The following PLOD1 variants were observed in gnomAD, a reference collection of about 807,000 sequenced individuals.
PLOD1 encodes lysine hydroxylase.
PLOD1 carries 70 observed loss-of-function variants against 94.7 expected under a neutral mutation model. The observed-to-expected ratio is 0.74, with a 90% CI of 0.61 to 0.90. The LOEUF (loss-of-function observed/expected upper bound fraction) is 0.90, where lower values mean the gene tolerates loss of function less well. Among genes scored for constraint, PLOD1 ranks in the 40% least tolerant of loss-of-function variants. The pLI is 0.00. For synonymous variants in PLOD1, 417 were observed against 400.2 expected (o/e 1.04, Z -0.50); for missense variants, 905 against 972.7 (o/e 0.93, Z 0.93).
chr1:11,957,372 C>T lies in PLOD1; in HGVS notation c.741+358C>T, dbSNP rs1569705064. Among the ~76,000 whole-genome samples the T allele has an allele frequency of 6.6e-6, 1 of 152,188 alleles. No homozygotes were observed. On this transcript the variant is annotated intron_variant, in intron 7 of 18. Coordinates refer to ENST00000196061, the MANE Select transcript of PLOD1 (RefSeq NM_000302.4). The surrounding 1 kb of genome is among the most constrained non-coding windows in gnomAD (Gnocchi z 4.1). ...CCAGACAGTAAGACATAGTCATAAG[C>T]AGGACGGATGTCCTGCATTCATGGT...
chr1:11,963,657 C>T lies in PLOD1; in HGVS notation c.1202+21C>T. 1.3e-6 allele frequency: 2 copies of T among 1,505,430 alleles called. No individual in the cohort carries two copies. The highest frequency in any genetic ancestry group is 1.2e-5 in the South Asian group (1 of 84,306). The allele number at this position is 1,505,430 out of a possible 1,614,324, so 93.3% of individuals were successfully genotyped here. A position where few individuals can be genotyped will look rare whatever the true frequency, so the allele number is the denominator to read the frequency against. ...AACAAGTGAGGCTGCTCCGTCTGCA[C>T]CCAGCACTGCTCAGGACTGGCCTGG... On this transcript the variant is annotated intron_variant, in intron 11 of 18. Transcript: ENST00000196061. The surrounding 1 kb of genome is among the most constrained non-coding windows in gnomAD (Gnocchi z 4.3).
rs1219598190 is a variant in PLOD1 at position 11,970,758 on chromosome 1, TC to T, written c.1846del (p.Leu616CysfsTer8). On this transcript the variant is annotated frameshift_variant, in exon 17 of 19. Coordinates refer to ENST00000196061, the MANE Select transcript of PLOD1 (RefSeq NM_000302.4). LOFTEE classifies it high-confidence loss of function. ...QIGFEREWHK[F>X]LLEYIAPMTE... Reference sequence around the variant, plus strand: ...GGCTTTGAGCGGGAGTGGCACAAATTCCTGCTGGAGTACATTGCGCCCATGA... The same window carrying T: ...GGCTTTGAGCGGGAGTGGCACAAATTCTGCTGGAGTACATTGCGCCCATGA... 1 of 1,611,218 alleles carries T rather than the reference TC, an allele frequency of 6.2e-7. No individual in the cohort carries two copies. The highest frequency in any genetic ancestry group is 1.1e-5 in the South Asian group (1 of 90,910).
chr1:11,950,417 G>A lies in PLOD1; in HGVS notation c.363G>A (p.Arg121=). 6.2e-7 allele frequency: 1 copy of A among 1,614,186 alleles called. No individual in the cohort carries two copies. The highest frequency in any genetic ancestry group is 8.5e-7 in the Non-Finnish European group (1 of 1,180,006). The change falls in exon 4 of 19, where the codon AGG becomes AGA. Residue 121 remains arginine, a synonymous_variant. Coordinates refer to ENST00000196061, the MANE Select transcript of PLOD1 (RefSeq NM_000302.4). ...TCCTGAAGAAGTTCCGGCAGGCCAG[G>A]AGCCAGGTGGTCTTCTCTGCTGAGG... ...RELLKKFRQA[R]SQVVFSAEEL...
Position 11,964,630 on chromosome 1 carries a change from T to C in PLOD1, c.1329-14T>C. The C allele has an allele frequency of 1.2e-6, 2 of 1,611,176 alleles. No homozygotes were observed. The highest frequency in any genetic ancestry group is 1.7e-6 in the Non-Finnish European group (2 of 1,178,996). On this transcript the variant is annotated splice_polypyrimidine_tract_variant and intron_variant, in intron 12 of 18. Coordinates refer to ENST00000196061, the MANE Select transcript of PLOD1 (RefSeq NM_000302.4). Reference sequence around the variant, plus strand: ...CAGCCTCTGACCCCCACCCGCTTTCTGTCTCTCCCACAGTGGTGTCTGGAA... The same window carrying C: ...CAGCCTCTGACCCCCACCCGCTTTCCGTCTCTCCCACAGTGGTGTCTGGAA...
rs1201543742 is a variant in PLOD1 at position 11,963,827 on chromosome 1, C to T, written c.1202+191C>T. ...TCCTCTTCCTCTTCCTCCTCTTCCTCCTTTTTCCTCCTCCTCCTCGTCTTC... is the reference window on the plus strand; with the variant it reads ...TCCTCTTCCTCTTCCTCCTCTTCCTTCTTTTTCCTCCTCCTCCTCGTCTTC... On this transcript the variant is annotated intron_variant, in intron 11 of 18. Coordinates refer to ENST00000196061, the MANE Select transcript of PLOD1 (RefSeq NM_000302.4). The surrounding 1 kb of genome is among the most constrained non-coding windows in gnomAD (Gnocchi z 4.3). 6.6e-6 allele frequency among the ~76,000 whole-genome samples: 1 copy of T among 151,828 alleles called. No homozygotes were observed. Among genetic ancestry groups the T allele is most frequent in the African/African-American group, 2.4e-5 (1 of 41,302 alleles).
chr1:11,967,137 C>T (rs1569729014), intron 16 of PLOD1, 46 bp downstream of exon 16: 11 of 1,256,700 alleles, frequency 8.8e-6, no homozygotes, highest in South Asian at 1.2e-5. Context: ...GGCTGCCTCT[C>T]CATCAGTGCC....
At chr1:11,946,889 G>A (rs1645658736) in intron 1 of PLOD1, among the ~76,000 whole-genome samples, 1 of 152,294 alleles carries the variant, frequency 6.6e-6, no homozygotes, top group Non-Finnish European at 1.5e-5. Flanking sequence ...TTCCAGTGAG[G>A]CCTCAGGAAG....
intron 6 of PLOD1, 56 bp downstream of exon 6, chr1:11,954,949 C>T: frequency 7.4e-7 from 1 of 1,352,544 alleles, no homozygotes; most frequent in Non-Finnish European, 1.1e-6. Context: ...GGAAGAATTC[C>T]AGGCAGGGCC....
chr1:11,975,106 C>T lies in PLOD1; in HGVS notation c.*298C>T. On this transcript the variant is annotated 3_prime_UTR_variant, in exon 19 of 19. Coordinates refer to ENST00000196061, the MANE Select transcript of PLOD1 (RefSeq NM_000302.4). Reference sequence around the variant, plus strand: ...ACCTGTCTTCCTGAAAAACCAAGGCCCCCTTCCCCCACCTCTTCCATGGGG... The same window carrying T: ...ACCTGTCTTCCTGAAAAACCAAGGCTCCCTTCCCCCACCTCTTCCATGGGG... 1 of 468,878 alleles carries T rather than the reference C, an allele frequency of 2.1e-6. No individual in the cohort carries two copies. The highest frequency in any genetic ancestry group is 3.9e-6 in the Non-Finnish European group (1 of 255,594). 29.0% of individuals were successfully genotyped at this position (468,878 alleles called of 1,614,324 possible). A position where few individuals can be genotyped will look rare whatever the true frequency, so the allele number is the denominator to read the frequency against.
chr1:11,966,981 CCCCAGCCCTG>C lies in PLOD1; in HGVS notation c.1651-2_1658del. 1 of 1,595,048 alleles carries C rather than the reference CCCCAGCCCTG, an allele frequency of 6.3e-7. No homozygotes were observed. The highest frequency in any genetic ancestry group is 8.6e-7 in the Non-Finnish European group (1 of 1,162,560). On this transcript the variant is annotated splice_acceptor_variant and splice_polypyrimidine_tract_variant and coding_sequence_variant and intron_variant, in exon 16 of 19. Coordinates refer to ENST00000196061, the MANE Select transcript of PLOD1 (RefSeq NM_000302.4). LOFTEE classifies it high-confidence loss of function. ...ACCCCCTTGACTGAGTCCCTGCCCTCCCCAGCCCTGCCCGGATGTCTATTGGTTCCCCATC... is the reference window on the plus strand; with the variant it reads ...ACCCCCTTGACTGAGTCCCTGCCCTCCCCGGATGTCTATTGGTTCCCCATC...
chr1:11,962,036 G>A (rs1019240297), intron 10 of PLOD1, among the ~76,000 whole-genome samples: 13 of 152,096 alleles, frequency 8.5e-5, no homozygotes, highest in Admixed American at 2.0e-4. Context: ...TGATCCGCCC[G>A]CCTTGGCCTC....
chr1:11,951,132 C>G (rs1645697960), intron 4 of PLOD1, among the ~76,000 whole-genome samples: 1 of 152,132 alleles, frequency 6.6e-6, no homozygotes, highest in Non-Finnish European at 1.5e-5. Flanking sequence ...GGAATCTGCT[C>G]TCTCTGGCCC....
intron 1 of PLOD1, among the ~76,000 whole-genome samples, chr1:11,940,569 G>A (rs1645608792): frequency 6.6e-6 from 1 of 152,212 alleles, no homozygotes; most frequent in African/African-American, 2.4e-5. Context: ...GGCACGGAGA[G>A]GCTAAATTCC....
intron 15 of PLOD1, 64 bp downstream of exon 15, chr1:11,966,380 G>A: frequency 8.4e-7 from 1 of 1,187,812 alleles, no homozygotes; most frequent in Non-Finnish European, 1.2e-6. Flanking sequence ...GCACAGAAGG[G>A]AAACTGCTTG....
chr1:11,962,490 A>T (rs1645785513), intron 10 of PLOD1, among the ~76,000 whole-genome samples: 1 of 149,326 alleles, frequency 6.7e-6, no homozygotes, highest in African/African-American at 2.5e-5. Flanking sequence ...GTTAGCCAGG[A>T]TGGTCTCGAT....
chr1:11,973,546 G>C (rs111838178), intron 18 of PLOD1, among the ~76,000 whole-genome samples: 1 of 152,000 alleles, frequency 6.6e-6, no homozygotes, highest in Non-Finnish European at 1.5e-5. Flanking sequence ...TGGGCTGGGT[G>C]CTGTGGAGAA....
chr1:11,973,151 T>C (rs1002088468), intron 18 of PLOD1, among the ~76,000 whole-genome samples, 154 bp downstream of exon 18: 1 of 152,100 alleles, frequency 6.6e-6, no homozygotes, highest in African/African-American at 2.4e-5. Context: ...GAGGGCTTCC[T>C]GGAAGGGTTC....
intron 5 of PLOD1, among the ~76,000 whole-genome samples, chr1:11,953,697 CAGG>C (rs1014083827): frequency 6.6e-6 from 1 of 151,440 alleles, no homozygotes; most frequent in East Asian, 2.0e-4. Context: ...GAGGCTGAGG[CAGG>C]AGAATTGCTT....
intron 1 of PLOD1, among the ~76,000 whole-genome samples, chr1:11,947,236 CAAAA>C (rs58975312): frequency 8.0e-6 from 1 of 124,438 alleles, no homozygotes; most frequent in East Asian, 2.3e-4. Context: ...GATGCTGTCT[CAAAA>C]AAAAAAAAAC....
Sources: gnomAD v4.1 joint callset for allele counts (sites outside exome capture counted in the v4.1 genomes callset) on GRCh38, gnomAD v4.1.1 for gene constraint, Gnocchi (gnomAD v3.1) non-coding constraint, MANE v1.5 for transcripts, NCBI Gene and HGNC (gene_info 2026-07-23, HGNC 2026-07-21) for gene names.